Variants in ZFHX3 observed in about 807,000 individuals in gnomAD.
ZFHX3 encodes the protein zinc finger homeobox 3.
In ZFHX3, 42 loss-of-function variants were observed where a neutral mutation model predicts 279.1. That is an observed-to-expected ratio of 0.15 (90% CI 0.12 to 0.19). The LOEUF is 0.19. Among genes scored for constraint, ZFHX3 ranks in the 10% least tolerant of loss-of-function variants. The pLI, the probability that ZFHX3 is intolerant of heterozygous loss-of-function variation, is 1.00. For missense variants in ZFHX3, 4,981 were observed against 4,754.0 expected (o/e 1.05, Z -1.40); for synonymous variants, 2,293 against 1,957.8 (o/e 1.17, Z -4.52).
intron 1 of ZFHX3, among the ~76,000 whole-genome samples, chr16:73,045,491 G>T (rs916736794): frequency 1.2e-4 from 19 of 152,132 alleles, no homozygotes; most frequent in Admixed American, 2.0e-4. Context: ...TCACTGTCCT[G>T]GTGGGAAGAG....
At chr16:73,529,164 G>T (rs1320396293) in intron 2 of ZFHX3, among the ~76,000 whole-genome samples, 2 of 152,148 alleles carry the variant, frequency 1.3e-5, no homozygotes, top group African/African-American at 2.4e-5. Flanking sequence ...TTATCTGGAC[G>T]TTGGTCAGTC....
chr16:73,845,831 T>TA (rs1384447326), intron 1 of ZFHX3, among the ~76,000 whole-genome samples: 2 of 152,206 alleles, frequency 1.3e-5, no homozygotes, highest in Admixed American at 6.5e-5. Flanking sequence ...TCTTTTTTTT[T>TA]AGAGACAGAG....
chr16:73,793,496 T>C (rs1453576991), intron 1 of ZFHX3, among the ~76,000 whole-genome samples: 2 of 152,190 alleles, frequency 1.3e-5, no homozygotes, highest in African/African-American at 4.8e-5. Context: ...CCAACGAAAA[T>C]ATGCTCCTTG....
intron 5 of ZFHX3, among the ~76,000 whole-genome samples, chr16:73,149,093 T>C (rs1259930911): frequency 4.7e-5 from 7 of 148,750 alleles, no homozygotes; most frequent in Non-Finnish European, 1.0e-4. Context: ...GCTCAGTAAA[T>C]GTCAGCAATT....
chr16:72,795,796 T>C lies in ZFHX3; in HGVS notation c.6886A>G (p.Lys2296Glu). 6.2e-7 allele frequency: 1 copy of C among 1,614,176 alleles called. No individual in the cohort carries two copies. The highest frequency in any genetic ancestry group is 8.5e-7 in the Non-Finnish European group (1 of 1,180,026). ...TGATTCTCATAATTCTTCCTGGCCT[T>C]CTGTCGGGCATTCTGAAACCACACC... is the stretch of plus-strand genomic sequence containing the variant. Reference protein sequence around the residue: ...IVVWFQNARQKARKNYENQGE... With the variant: ...IVVWFQNARQEARKNYENQGE... Residue 2296 changes from lysine to glutamate, a missense_variant, in exon 9 of 10, where the codon AAG (lysine) becomes GAG (glutamate). This residue lies in a region of ZFHX3 where 177 missense variants were observed against 244.2 expected (regional missense o/e 0.72). Coordinates refer to ENST00000268489, the MANE Select transcript of ZFHX3 (RefSeq NM_006885.4).
chr16:73,243,976 T>G (rs564688203), intron 5 of ZFHX3, among the ~76,000 whole-genome samples: 1 of 152,130 alleles, frequency 6.6e-6, no homozygotes, highest in South Asian at 2.1e-4. Context: ...TTGGTCTCAG[T>G]TGGATGTGAG....
intron 3 of ZFHX3, among the ~76,000 whole-genome samples, chr16:73,410,145 G>A (rs1324977998): frequency 6.6e-6 from 1 of 152,188 alleles, no homozygotes; most frequent in Non-Finnish European, 1.5e-5. Context: ...GGCAGGCATG[G>A]TGGCTCACAC....
chr16:73,842,417 A>G (rs568248423), intron 1 of ZFHX3, among the ~76,000 whole-genome samples: 14 of 152,136 alleles, frequency 9.2e-5, no homozygotes, highest in African/African-American at 3.4e-4. Flanking sequence ...TGCTGTTTCA[A>G]TCTGCTGACT....
At chr16:73,869,279 C>T (rs957849481) in intron 1 of ZFHX3, among the ~76,000 whole-genome samples, 1 of 152,062 alleles carries the variant, frequency 6.6e-6, no homozygotes, top group Non-Finnish European at 1.5e-5. Context: ...AGCAAACAGC[C>T]CCGACCACCC....
At chr16:73,595,687 T>C (rs2052041632) in intron 2 of ZFHX3, among the ~76,000 whole-genome samples, 1 of 152,226 alleles carries the variant, frequency 6.6e-6, no homozygotes, top group Non-Finnish European at 1.5e-5. Flanking sequence ...TGTGTCACTT[T>C]ACGGGTATCT....
intron 1 of ZFHX3, among the ~76,000 whole-genome samples, chr16:73,739,768 C>T (rs16972436): frequency 0.052 from 7,847 of 152,246 alleles, 686 homozygotes; most frequent in African/African-American, 0.18. Flanking sequence ...CTGGTCTAGG[C>T]TGGTCCAGGC....
intron 8 of ZFHX3, among the ~76,000 whole-genome samples, chr16:72,799,543 T>C (rs995975804): frequency 6.6e-6 from 1 of 152,216 alleles, no homozygotes; most frequent in Non-Finnish European, 1.5e-5. Context: ...GGAAACACTA[T>C]GTGGCACCAA....
Position 72,794,048 on chromosome 16 carries a change from C to G in ZFHX3, c.8634G>C (p.Ala2878=). 5 of 1,614,202 alleles carry G rather than the reference C, an allele frequency of 3.1e-6. No homozygotes were observed. Among genetic ancestry groups the G allele is most frequent in the Non-Finnish European group, 4.2e-6 (5 of 1,180,048 alleles). ...CATACTCAGACATTGCCATCATGGCCGCTTTGGTCAACCCTTCGTTGGGTG... is the reference window on the plus strand; with the variant it reads ...CATACTCAGACATTGCCATCATGGCGGCTTTGGTCAACCCTTCGTTGGGTG... The part of the protein sequence containing the change: ...SSAPNEGLTK[A]AMMAMSEYED... Residue 2878 remains alanine, a synonymous_variant, in exon 9 of 10, where the codon GCG becomes GCC. Coordinates refer to ENST00000268489, the MANE Select transcript of ZFHX3 (RefSeq NM_006885.4). This position sits in a 1 kb window ranked among gnomAD's most constrained non-coding sequence, Gnocchi z 4.2.
chr16:72,991,371 T>TCC (rs1963082300), intron 1 of ZFHX3, among the ~76,000 whole-genome samples: 1 of 152,148 alleles, frequency 6.6e-6, no homozygotes, highest in Non-Finnish European at 1.5e-5. Context: ...TTGGAATGTC[T>TCC]CCCCAAGGAT....
At chr16:73,629,899 A>G (rs1225559628) in intron 2 of ZFHX3, among the ~76,000 whole-genome samples, 2 of 152,358 alleles carry the variant, frequency 1.3e-5, no homozygotes, top group Non-Finnish European at 2.9e-5. Context: ...ACCGCACAAG[A>G]AAGAGGTAAT....
At chr16:73,255,293 GA>G in intron 5 of ZFHX3, among the ~76,000 whole-genome samples, 1 of 152,272 alleles carries the variant, frequency 6.6e-6, no homozygotes, top group Middle Eastern at 3.4e-3. Flanking sequence ...CAGTATTTGA[GA>G]CATTAAATCC....
intron 4 of ZFHX3, among the ~76,000 whole-genome samples, chr16:73,265,479 T>C (rs1168188576): frequency 6.6e-6 from 1 of 152,186 alleles, no homozygotes; most frequent in African/African-American, 2.4e-5. Flanking sequence ...GGGGTTTTTT[T>C]GTTTGTTTTT....
intron 2 of ZFHX3, among the ~76,000 whole-genome samples, chr16:73,507,802 C>G (rs935668172): frequency 6.6e-6 from 1 of 152,138 alleles, no homozygotes; most frequent in East Asian, 1.9e-4. Context: ...TGCCTGGCCT[C>G]TGCCACTTTT....
intron 3 of ZFHX3, among the ~76,000 whole-genome samples, chr16:73,431,677 T>C (rs1475222455): frequency 6.6e-6 from 1 of 152,226 alleles, no homozygotes; most frequent in Non-Finnish European, 1.5e-5. Context: ...GTAATGAATA[T>C]CTTTTATATA....
Sources: allele counts gnomAD v4.1 joint callset (sites outside exome capture counted in the v4.1 genomes callset), GRCh38; gene constraint gnomAD v4.1.1; regional missense constraint gnomAD v4.1.1; non-coding constraint Gnocchi (gnomAD v3.1); transcripts MANE v1.5; gene names NCBI Gene and HGNC (gene_info 2026-07-23, HGNC 2026-07-21).